Variants in PLD3 observed in about 807,000 individuals in gnomAD.
PLD3 encodes the protein 5'-3' exonuclease PLD3.
PLD3 carries 31 observed loss-of-function variants against 58.4 expected under a neutral mutation model. That is an observed-to-expected ratio of 0.53 (90% CI 0.40 to 0.72). The LOEUF is 0.72. PLD3 is among the 30% of genes least tolerant of loss of function. The pLI is 0.00. For missense variants in PLD3, 595 were observed against 659.8 expected, an observed-to-expected ratio of 0.90 and a Z score of 1.08; for synonymous variants, 264 against 273.4, an observed-to-expected ratio of 0.97 and a Z score of 0.34.
intron 5 of PLD3, 83 bp downstream of exon 5, chr19:40,366,998 T>C: frequency 1.4e-6 from 2 of 1,449,640 alleles, no homozygotes; most frequent in East Asian, 4.6e-5. Flanking sequence ...GGGCCTGCAC[T>C]CAGCCCTACC....
At chr19:40,364,678 C>A (rs1403703735) in intron 1 of PLD3, among the ~76,000 whole-genome samples, 1 of 151,814 alleles carries the variant, frequency 6.6e-6, no homozygotes, top group East Asian at 1.9e-4. Context: ...CGCCTGTAGT[C>A]CCAGCTACTC....
chr19:40,354,069 C>CTTTTTTTTTTTTTTTTTTTTTT (rs36125021), intron 1 of PLD3, among the ~76,000 whole-genome samples: 1 of 78,252 alleles, frequency 1.3e-5, no homozygotes, highest in Non-Finnish European at 2.3e-5. Flanking sequence ...ATTTTTTAGC[C>CTTTTTTTTTTTTTTTTTTTTTT]TTTTTTTTTT....
chr19:40,366,587 C>G (rs374780685), intron 3 of PLD3, 23 bp from the exon 4 acceptor site: 81 of 1,579,812 alleles, frequency 5.1e-5, no homozygotes, highest in Non-Finnish European at 6.5e-5. Context: ...ACCTGTCACC[C>G]CCGTTGTTGT....
chr19:40,369,117 C>T (rs1167284468), intron 6 of PLD3, among the ~76,000 whole-genome samples: 1 of 151,950 alleles, frequency 6.6e-6, no homozygotes, highest in Admixed American at 6.6e-5. Flanking sequence ...ATAGTGAAAC[C>T]CTGTCTCTAA....
intron 1 of PLD3, among the ~76,000 whole-genome samples, chr19:40,355,303 C>CTT (rs896335522): frequency 6.8e-6 from 1 of 146,284 alleles, no homozygotes. Context: ...ATTTTTTTTC[C>CTT]TTTTTTTTTT....
intron 8 of PLD3, chr19:40,370,510 C>CA (rs796986798): frequency 0.017 from 3,620 of 211,244 alleles, 4 homozygotes; most frequent in South Asian, 0.031. Context: ...CCATCTCTAC[C>CA]AAAAAAAAAA....
rs767470890 is a variant in PLD3, at chr19:40,369,958, C to A, written c.480C>A (p.Asn160Lys). 5.1e-6 allele frequency: 8 copies of A among 1,561,442 alleles called. No individual in the cohort carries two copies. In the African/African-American group the frequency reaches 9.5e-5, roughly 19 times the overall value. Residue 160 changes from asparagine (N) to lysine (K), a missense_variant, in exon 7 of 13, where the codon AAC becomes AAA. Physicochemically the swap from Asn to Lys is moderately conservative, Grantham distance 94. Coordinates refer to ENST00000409735, the MANE Select transcript of PLD3 (RefSeq NM_012268.4). The stretch of plus-strand genomic sequence containing the variant: ...AGACCCTGGCACCAAAGGGCGTGAA[C>A]GTCCGCATCGCTGTGAGCAAGCCCA... ...QLQTLAPKGV[N>K]VRIAVSKPSG...
intron 9 of PLD3, among the ~76,000 whole-genome samples, chr19:40,374,155 A>G (rs1189006070): frequency 1.3e-5 from 2 of 152,160 alleles, no homozygotes; most frequent in Non-Finnish European, 2.9e-5. Flanking sequence ...ATTTCTAACA[A>G]GTTCCCAGGT....
At chr19:40,372,321 TACAA>T (rs59326126) in intron 9 of PLD3, among the ~76,000 whole-genome samples, 376 of 151,626 alleles carry the variant, frequency 2.5e-3, no homozygotes, top group African/African-American at 7.3e-3. Context: ...ACTCCATCTT[TACAA>T]ACAAACAAAC....
intron 1 of PLD3, among the ~76,000 whole-genome samples, chr19:40,354,470 T>G (rs2145661884): frequency 6.6e-6 from 1 of 152,222 alleles, no homozygotes; most frequent in Non-Finnish European, 1.5e-5. Context: ...TGCTTTGGCC[T>G]CCTAAAGTGC....
At chr19:40,357,857 G>A (rs930082929) in intron 1 of PLD3, 5 of 152,184 alleles carry the variant, frequency 3.3e-5, no homozygotes, top group African/African-American at 1.2e-4. Context: ...GGCTTACTGT[G>A]CTTCCTGCCT....
intron 11 of PLD3, 92 bp from the exon 12 acceptor site, chr19:40,377,694 C>T (rs1327787586): frequency 1.0e-5 from 9 of 884,010 alleles, no homozygotes; most frequent in Non-Finnish European, 1.5e-5. Flanking sequence ...TGGAGTCCCA[C>T]AGATCTCGCT....
At position 40,374,587 on chromosome 19, in the gene PLD3, A is replaced by G; in HGVS notation, c.986A>G (p.Tyr329Cys). Residue 329 changes from tyrosine to cysteine, a missense_variant, in exon 10 of 13, where the codon TAC (tyrosine) becomes TGC (cysteine). Tyr to Cys is a radical substitution (Grantham distance 194). Transcript: ENST00000409735. ...RSFIYVAVMN[Y>C]LPTLEFSHPH... ...TTCATCTACGTCGCTGTCATGAACT[A>G]CCTGCCCACTCTGGAGTTCTCCCAC... 1 of 1,614,094 alleles carries G rather than the reference A, an allele frequency of 6.2e-7. No individual in the cohort carries two copies. The highest frequency in any genetic ancestry group is 8.5e-7 in the Non-Finnish European group (1 of 1,180,010).
Position 40,378,187 on chromosome 19 carries a change from G to A in PLD3, c.*14G>A. 2 of 1,601,924 alleles carry A rather than the reference G, an allele frequency of 1.2e-6. No individual in the cohort carries two copies. Among genetic ancestry groups the A allele is most frequent in the Non-Finnish European group, 8.5e-7 (1 of 1,173,786 alleles). On this transcript the variant is annotated 3_prime_UTR_variant, in exon 13 of 13. Transcript: ENST00000409735. ...CGCCTGCTCTGAGGCCCGATCCAGTGGGCAGGCCAAGGCCTGCTGGGCCCC... is the reference window on the plus strand; with the variant it reads ...CGCCTGCTCTGAGGCCCGATCCAGTAGGCAGGCCAAGGCCTGCTGGGCCCC...
chr19:40,371,946 T>C, intron 9 of PLD3, 73 bp downstream of exon 9: 1 of 1,267,746 alleles, frequency 7.9e-7, no homozygotes, highest in South Asian at 1.2e-5. Context: ...TCTGTCCCTG[T>C]TTGGTGATGA....
chr19:40,352,015 T>C (rs575618512), intron 1 of PLD3, among the ~76,000 whole-genome samples: 3 of 152,318 alleles, frequency 2.0e-5, no homozygotes, highest in Non-Finnish European at 2.9e-5. Context: ...TTCACGCCTA[T>C]AATCCCAGCA....
intron 1 of PLD3, among the ~76,000 whole-genome samples, chr19:40,363,223 T>C (rs1428672854): frequency 6.6e-6 from 1 of 152,172 alleles, no homozygotes; most frequent in Non-Finnish European, 1.5e-5. Context: ...TCCAACTCCA[T>C]ATTCTTCAAT....
intron 5 of PLD3, 103 bp from the exon 6 acceptor site, chr19:40,367,593 A>C: frequency 9.7e-7 from 1 of 1,026,570 alleles, no homozygotes; most frequent in Non-Finnish European, 1.4e-6. Context: ...AAAAAAAAAA[A>C]AATACAGTCT....
chr19:40,350,702 C>T (rs1419853759), intron 1 of PLD3, among the ~76,000 whole-genome samples: 3 of 151,204 alleles, frequency 2.0e-5, no homozygotes, highest in Non-Finnish European at 4.4e-5. Context: ...TGAGATCGCA[C>T]CACTGCACTC....
Sources: gnomAD v4.1 joint callset for allele counts (sites outside exome capture counted in the v4.1 genomes callset) on GRCh38, gnomAD v4.1.1 for gene constraint, MANE v1.5 for transcripts, NCBI Gene and HGNC (gene_info 2026-07-23, HGNC 2026-07-21) for gene names.